CASP8: variants seen among roughly 807,000 people sequenced by gnomAD.
CASP8 encodes the protein caspase-8.
CASP8 carries 24 observed loss-of-function variants against 46.3 expected under a neutral mutation model. That is an observed-to-expected ratio of 0.52 (90% CI 0.38 to 0.73). The LOEUF (loss-of-function observed/expected upper bound fraction) is 0.73, where lower values mean the gene tolerates loss of function less well. Ranked by LOEUF, CASP8 falls within the 30% of genes least tolerant of loss-of-function variation. The pLI, the probability that CASP8 is intolerant of heterozygous loss-of-function variation, is 0.00. For missense variants in CASP8, 460 were observed against 559.0 expected (o/e 0.82, Z 1.79); for synonymous variants, 188 against 200.4 (o/e 0.94, Z 0.52).
chr2:201,240,086 C>T (rs908659666), intron 2 of CASP8, among the ~76,000 whole-genome samples: 2 of 152,086 alleles, frequency 1.3e-5, no homozygotes, highest in African/African-American at 4.8e-5. Context: ...GGAGGTAAGG[C>T]CTAGATGTGA....
At chr2:201,261,868 A>T (rs952780092) in intron 1 of CASP8, 1 of 152,068 alleles carries the variant, frequency 6.6e-6, no homozygotes, top group South Asian at 2.1e-4. Flanking sequence ...TACTGGAATG[A>T]TTGTGATGAG....
intron 2 of CASP8, among the ~76,000 whole-genome samples, chr2:201,238,305 G>C (rs1946142239): frequency 6.6e-6 from 1 of 152,250 alleles, no homozygotes; most frequent in East Asian, 1.9e-4. Flanking sequence ...AATATGCCTG[G>C]AATATATGGG....
chr2:201,244,458 C>T (rs1367304280), intron 2 of CASP8, among the ~76,000 whole-genome samples: 2 of 152,146 alleles, frequency 1.3e-5, no homozygotes, highest in Non-Finnish European at 2.9e-5. Context: ...CATAGGCGCT[C>T]ACGTTGGGGG....
intron 2 of CASP8, among the ~76,000 whole-genome samples, chr2:201,247,347 G>A (rs772952494): frequency 3.3e-5 from 5 of 152,014 alleles, no homozygotes; most frequent in Non-Finnish European, 5.9e-5. Context: ...GGTTGCTTCT[G>A]GAGCCTACTG....
intron 2 of CASP8, among the ~76,000 whole-genome samples, chr2:201,250,517 G>A (rs550416256): frequency 2.0e-5 from 3 of 152,340 alleles, no homozygotes; most frequent in Admixed American, 2.0e-4. Context: ...GGCTAGAGCA[G>A]GGGAAGCAAG....
intron 2 of CASP8, among the ~76,000 whole-genome samples, chr2:201,254,747 G>A (rs1338036099): frequency 6.6e-6 from 1 of 152,202 alleles, no homozygotes; most frequent in Non-Finnish European, 1.5e-5. Flanking sequence ...GGTGGACATG[G>A]TAGGAGACAC....
At chr2:201,258,205 C>T, upstream of CASP8, 1 of 1,606,502 alleles carries the variant, frequency 6.2e-7, no homozygotes, top group Non-Finnish European at 8.5e-7. Context: ...GCTGAATTTG[C>T]TAGTCAACTC....
intron 6 of CASP8, among the ~76,000 whole-genome samples, chr2:201,276,420 G>A (rs889752362): frequency 9.9e-5 from 15 of 152,226 alleles, no homozygotes; most frequent in Admixed American, 9.2e-4. Context: ...AAGTCATGGC[G>A]TGGGGGCAGC....
intron 2 of CASP8, among the ~76,000 whole-genome samples, chr2:201,247,924 G>A (rs567503538): frequency 2.0e-5 from 3 of 152,248 alleles, no homozygotes; most frequent in East Asian, 1.9e-4. Flanking sequence ...GATTACAGGC[G>A]TGAGCCACTG....
chr2:201,274,997 T>C (rs989271581), intron 6 of CASP8, 44 bp downstream of exon 6: 3 of 1,352,502 alleles, frequency 2.2e-6, no homozygotes, highest in African/African-American at 1.5e-5. Flanking sequence ...TTACAGATTC[T>C]AGTTATTTAA....
upstream of CASP8, among the ~76,000 whole-genome samples, chr2:201,259,082 C>T (rs1037820660): frequency 2.6e-5 from 4 of 152,130 alleles, no homozygotes; most frequent in African/African-American, 4.8e-5. Context: ...GGAGATAATA[C>T]GCATACATCA....
At chr2:201,282,558 G>A (rs1949142769) in intron 7 of CASP8, among the ~76,000 whole-genome samples, 1 of 106,166 alleles carries the variant, frequency 9.4e-6, no homozygotes, top group Non-Finnish European at 2.2e-5. Flanking sequence ...GGCTGGCCGG[G>A]CGGGGGGCTG....
intron 1 of CASP8, among the ~76,000 whole-genome samples, chr2:201,261,212 A>G (rs1271880325): frequency 2.6e-5 from 4 of 152,060 alleles, no homozygotes; most frequent in African/African-American, 9.7e-5. Flanking sequence ...ACCAACATGA[A>G]GAAACCCCGT....
intron 2 of CASP8, among the ~76,000 whole-genome samples, chr2:201,251,602 A>AG (rs531921143): frequency 7.3e-6 from 1 of 137,260 alleles, no homozygotes; most frequent in Admixed American, 7.0e-5. Flanking sequence ...GTCAAAAAAA[A>AG]AAAAAAAGAA....
chr2:201,272,657 T>C lies in CASP8; in HGVS notation c.431T>C (p.Ile144Thr), dbSNP rs142688117. 5.4e-5 allele frequency: 87 copies of C among 1,614,098 alleles called. No individual in the cohort carries two copies. Among genetic ancestry groups the C allele is most frequent in the Non-Finnish European group, 6.9e-5 (81 of 1,180,004 alleles). ...TCTTAGAACCTGCTGGATATTTTCA[T>C]AGAGATGGAGAAGAGGGTCATCCTG... The part of the protein sequence containing the change: ...DDDMNLLDIF[I>T]EMEKRVILGE... The change falls in exon 4 of 9, where the codon ATA becomes ACA. Residue 144 changes from isoleucine (I) to threonine (T), a missense_variant. Coordinates refer to ENST00000673742, the MANE Select transcript of CASP8 (RefSeq NM_001372051.1). This position sits in a 1 kb window ranked among gnomAD's most constrained non-coding sequence, Gnocchi z 4.4.
At chr2:201,280,975 A>AT in intron 7 of CASP8, among the ~76,000 whole-genome samples, 1 of 152,342 alleles carries the variant, frequency 6.6e-6, no homozygotes, top group South Asian at 2.1e-4. Context: ...ATAAGAAAGG[A>AT]AACATAATGA....
chr2:201,284,635 C>A (rs1949433654), intron 7 of CASP8, among the ~76,000 whole-genome samples, 181 bp from the exon 8 acceptor site: 1 of 4,840 alleles, frequency 2.1e-4, no homozygotes, highest in Non-Finnish European at 6.2e-4. Context: ...CAGTACCGTC[C>A]AGCTTTGGCT....
At chr2:201,261,152 G>T (rs1947361141) in intron 1 of CASP8, among the ~76,000 whole-genome samples, 1 of 152,170 alleles carries the variant, frequency 6.6e-6, no homozygotes, top group Non-Finnish European at 1.5e-5. Context: ...CAGCACTTTG[G>T]GAGGTCGAGG....
Position 201,272,932 on chromosome 2 carries a change from A to G in CASP8, c.585A>G (p.Glu195=), listed in dbSNP as rs1368492330. ...GCAGCCTTGAAGGAAGTCCTGATGA[A>G]TTTTCAAATGGTAATGCTTGGAGAT... ...RSSSLEGSPD[E]FSNGEELCGV... is the part of the protein sequence containing the mutation. The change falls in exon 5 of 9, where the codon GAA becomes GAG. Residue 195 remains glutamate (E), a synonymous_variant. Transcript: ENST00000673742. This position sits in a 1 kb window ranked among gnomAD's most constrained non-coding sequence, Gnocchi z 4.4. 3 of 1,613,926 alleles carry G rather than the reference A, an allele frequency of 1.9e-6. No homozygotes were observed. The highest frequency in any genetic ancestry group is 2.2e-5 in the East Asian group (1 of 44,870).
Sources: gnomAD v4.1 joint callset for allele counts (sites outside exome capture counted in the v4.1 genomes callset) on GRCh38, gnomAD v4.1.1 for gene constraint, Gnocchi (gnomAD v3.1) non-coding constraint, MANE v1.5 for transcripts, NCBI Gene and HGNC (gene_info 2026-07-23, HGNC 2026-07-21) for gene names.